The following RPL36AL variants were observed in gnomAD, a reference collection of about 807,000 sequenced individuals.
RPL36AL encodes the protein ribosomal protein eL42-like.
A neutral mutation model predicts 7.9 loss-of-function variants in RPL36AL; 8 were observed. That is an observed-to-expected ratio of 1.02 (90% CI 0.60 to 1.84). The LOEUF (loss-of-function observed/expected upper bound fraction) is 1.84, where lower values mean the gene tolerates loss of function less well. Ranked by LOEUF, RPL36AL falls within the 40% of genes most tolerant of loss-of-function variation. RPL36AL has a pLI of 0.00. For missense variants in RPL36AL, 76 were observed against 126.8 expected, an observed-to-expected ratio of 0.60 and a Z score of 1.93; for synonymous variants, 44 against 44.8, an observed-to-expected ratio of 0.98 and a Z score of 0.07.
chr14:49,620,184 C>T (rs1305472626), intron 1 of RPL36AL, among the ~76,000 whole-genome samples: 1 of 152,144 alleles, frequency 6.6e-6, no homozygotes, highest in Non-Finnish European at 1.5e-5. Flanking sequence ...TCTTTGACCC[C>T]CTTCCCCCCA....
In RPL36AL at chr14:49,619,046, G is replaced by A; in HGVS notation, c.59C>T (p.Pro20Leu). 1.2e-6 allele frequency: 2 copies of A among 1,613,886 alleles called. No homozygotes were observed. Among genetic ancestry groups the A allele is most frequent in the Non-Finnish European group, 1.7e-6 (2 of 1,179,846 alleles). The part of the protein sequence containing the change: ...TFCKKCGKHQ[P>L]HKVTQYKKGK... Reference sequence around the variant, plus strand: ...CTTCTTATACTGTGTCACTTTGTGAGGCTGATGCTTGCCACACTTCTTACA... The same window carrying A: ...CTTCTTATACTGTGTCACTTTGTGAAGCTGATGCTTGCCACACTTCTTACA... The change falls in exon 2 of 2, where the codon CCT (proline) becomes CTT (leucine). Residue 20 changes from proline to leucine, a missense_variant. Pro to Leu is a moderately conservative substitution (Grantham distance 98, BLOSUM62 -3). Transcript: ENST00000298289.
intron 1 of RPL36AL, among the ~76,000 whole-genome samples, chr14:49,619,621 A>T (rs1265683529): frequency 6.8e-6 from 1 of 147,022 alleles, no homozygotes; most frequent in African/African-American, 2.5e-5. Flanking sequence ...CAACAGCGGA[A>T]TTACGTCTCA....
At position 49,619,202 on chromosome 14, in the gene RPL36AL, A is replaced by G. The variant is rs1170473211; in HGVS notation, c.-36-62T>C. The G allele has an allele frequency of 3.0e-6, 3 of 1,004,824 alleles. No individual in the cohort carries two copies. The African/African-American group carries it at 4.9e-5, about 16-fold the overall frequency. 62.2% of individuals were successfully genotyped at this position (1,004,824 alleles called of 1,614,324 possible). On this transcript the variant is annotated intron_variant, in intron 1 of 1. Coordinates refer to ENST00000298289, the MANE Select transcript of RPL36AL (RefSeq NM_001001.5). ...AAACATTCCGAAAAGTGAAAGTGCTATACAAGTATATACAGGAAAACCGTA... is the reference window on the plus strand; with the variant it reads ...AAACATTCCGAAAAGTGAAAGTGCTGTACAAGTATATACAGGAAAACCGTA...
Position 49,618,853 on chromosome 14 carries a change from G to C in RPL36AL, c.252C>G (p.Ala84=). ...EPNCRSKRML[A]IKRCKHFELG... ...GTTCAAAATGCTTGCATCTCTTAAT[G>C]GCCAGCATCCTCTTGGATCTGCAGT... Residue 84 remains alanine, a synonymous_variant, in exon 2 of 2, where the codon GCC becomes GCG. Coordinates refer to ENST00000298289, the MANE Select transcript of RPL36AL (RefSeq NM_001001.5). 1 of 1,612,054 alleles carries C rather than the reference G, an allele frequency of 6.2e-7. No homozygotes were observed. The highest frequency in any genetic ancestry group is 8.5e-7 in the Non-Finnish European group (1 of 1,179,736).
intron 1 of RPL36AL, 95 bp from the exon 2 acceptor site, chr14:49,619,235 ATGAG>A: frequency 2.8e-6 from 2 of 713,642 alleles, no homozygotes; most frequent in African/African-American, 1.8e-5. Context: ...GTACACATAA[ATGAG>A]TAATATATAA....
chr14:49,619,817 CGATT>C (rs1169301892), intron 1 of RPL36AL, among the ~76,000 whole-genome samples: 1 of 152,076 alleles, frequency 6.6e-6, no homozygotes, highest in Non-Finnish European at 1.5e-5. Flanking sequence ...ATAACACAAG[CGATT>C]GATTGGCTAT....
At chr14:49,619,255 C>T (rs1882758879) in intron 1 of RPL36AL, 115 bp from the exon 2 acceptor site, 2 of 633,532 alleles carry the variant, frequency 3.2e-6, no homozygotes, top group South Asian at 2.1e-5. Context: ...TATAAATCCA[C>T]CACGTACTCT....
At chr14:49,619,938 T>C (rs1456829627) in intron 1 of RPL36AL, among the ~76,000 whole-genome samples, 2 of 152,114 alleles carry the variant, frequency 1.3e-5, no homozygotes, top group African/African-American at 2.4e-5. Flanking sequence ...TGAAGTCCCA[T>C]ACTGCTGTCT....
chr14:49,618,707 GTATT>G lies in RPL36AL; in HGVS notation c.*73_*76del, dbSNP rs1882738290. On this transcript the variant is annotated 3_prime_UTR_variant, in exon 2 of 2. Transcript: ENST00000298289. The stretch of plus-strand genomic sequence containing the variant: ...AAAAAGTTTGCGTAAGAATATCACT[GTATT>G]TATTTTCCCTCGGGTAACTTTTCTA... 1.2e-5 allele frequency: 14 copies of G among 1,205,072 alleles called. No individual in the cohort carries two copies. In the South Asian group the frequency reaches 1.8e-4, roughly 16 times the overall value. The allele number at this position is 1,205,072 out of a possible 1,614,324, so 74.6% of individuals were successfully genotyped here.
At chr14:49,620,457 G>A (rs888905022) in intron 1 of RPL36AL, 105 bp downstream of exon 1, 6 of 152,880 alleles carry the variant, frequency 3.9e-5, no homozygotes, top group African/African-American at 7.2e-5. Context: ...GGCCGGCGAG[G>A]GCCATAGGTC....
chr14:49,619,283 CGCACATACAA>C, intron 1 of RPL36AL, 143 bp from the exon 2 acceptor site: 1 of 593,162 alleles, frequency 1.7e-6, no homozygotes, highest in Non-Finnish European at 2.9e-6. Flanking sequence ...TATGAATAAA[CGCACATACAA>C]GTACATACCT....
rs3088024 is a variant in RPL36AL, at chr14:49,618,909, T to C, written c.196A>G (p.Ile66Val). The change falls in exon 2 of 2, where the codon ATT becomes GTT. Residue 66 changes from isoleucine (I) to valine (V), a missense_variant. Physicochemically the swap from Ile to Val is conservative, Grantham distance 29. Transcript: ENST00000298289. ...TCAACACATTCCAGCCTTAGCACAATCTTCTTTGTGGTCTTAGCCTTCTTC... is the reference window on the plus strand; with the variant it reads ...TCAACACATTCCAGCCTTAGCACAACCTTCTTTGTGGTCTTAGCCTTCTTC... ...FRKKAKTTKK[I>V]VLRLECVEPN... 6.2e-7 allele frequency: 1 copy of C among 1,613,202 alleles called. No individual in the cohort carries two copies. The highest frequency in any genetic ancestry group is 8.5e-7 in the Non-Finnish European group (1 of 1,179,868).
At position 49,618,933 on chromosome 14, in the gene RPL36AL, T is replaced by G. The variant is rs1383926430; in HGVS notation, c.172A>C (p.Lys58Gln). The change falls in exon 2 of 2, where the codon AAG becomes CAG. Residue 58 changes from lysine to glutamine, a missense_variant. By Grantham distance (53) the Lys-to-Gln change is moderately conservative. Transcript: ENST00000298289. ...ATCTTCTTTGTGGTCTTAGCCTTCT[T>G]CCGGAAAATTGGCTTTGTCTGCCCA... is the stretch of plus-strand genomic sequence containing the variant. ...YGGQTKPIFRKKAKTTKKIVL... is the reference protein window; with the variant it reads ...YGGQTKPIFRQKAKTTKKIVL... 8.7e-6 allele frequency: 14 copies of G among 1,613,718 alleles called. No individual in the cohort carries two copies. Among genetic ancestry groups the G allele is most frequent in the Non-Finnish European group, 1.2e-5 (14 of 1,179,876 alleles).
intron 1 of RPL36AL, among the ~76,000 whole-genome samples, chr14:49,619,714 G>C (rs1404457397): frequency 6.6e-6 from 1 of 152,178 alleles, no homozygotes; most frequent in Non-Finnish European, 1.5e-5. Context: ...CCAGAGCACA[G>C]ATTCAAAATG....
In RPL36AL at chr14:49,619,096, G is replaced by A. The variant is rs1882752884; in HGVS notation, c.9C>T (p.Asn3=). 2.5e-6 allele frequency: 4 copies of A among 1,607,424 alleles called. No individual in the cohort carries two copies. Among genetic ancestry groups the A allele is most frequent in the African/African-American group, 1.3e-5 (1 of 74,824 alleles). The change falls in exon 2 of 2, where the codon AAC becomes AAT. Residue 3 remains asparagine, a synonymous_variant. Transcript: ENST00000298289. ...AGAAGGTTCTTCGGGTTTTAGGTAC[G>A]TTGACCATCTTTGCAGCAGGGCTGT... MV[N]VPKTRRTFCK...
chr14:49,619,920 G>T (rs538258249), intron 1 of RPL36AL, among the ~76,000 whole-genome samples: 7 of 152,128 alleles, frequency 4.6e-5, no homozygotes, highest in Non-Finnish European at 1.0e-4. Context: ...ATTAAGTGGG[G>T]AGGTGTCTGA....
intron 1 of RPL36AL, among the ~76,000 whole-genome samples, chr14:49,619,807 A>T (rs966482390): frequency 6.6e-6 from 1 of 152,194 alleles, no homozygotes; most frequent in Admixed American, 6.5e-5. Flanking sequence ...TTACATTAAA[A>T]TAACACAAGC....
In RPL36AL at chr14:49,618,767, G is replaced by A; in HGVS notation, c.*17C>T. 1.3e-6 allele frequency: 2 copies of A among 1,594,258 alleles called. No individual in the cohort carries two copies. Among genetic ancestry groups the A allele is most frequent in the African/African-American group, 2.7e-5 (2 of 74,256 alleles). ...TCACCATTTTCTCTTCAAAATTGAA[G>A]AAAAATATCCCAAAGTTTAGAACTG... is the stretch of plus-strand genomic sequence containing the variant. On this transcript the variant is annotated 3_prime_UTR_variant, in exon 2 of 2. Coordinates refer to ENST00000298289, the MANE Select transcript of RPL36AL (RefSeq NM_001001.5).
chr14:49,619,237 G>A (rs1048750241), intron 1 of RPL36AL, 97 bp from the exon 2 acceptor site: 33 of 711,334 alleles, frequency 4.6e-5, no homozygotes, highest in Non-Finnish European at 7.0e-5. Flanking sequence ...ACACATAAAT[G>A]AGTAATATAT....
Sources: gnomAD v4.1 joint callset for allele counts (sites outside exome capture counted in the v4.1 genomes callset) on GRCh38, gnomAD v4.1.1 for gene constraint, MANE v1.5 for transcripts, NCBI Gene and HGNC (gene_info 2026-07-23, HGNC 2026-07-21) for gene names.